The following CACNA1G variants were observed in gnomAD, a reference collection of about 807,000 sequenced individuals.
CACNA1G encodes calcium voltage-gated channel subunit alpha1 G, also known as voltage-dependent T-type calcium channel subunit alpha-1G.
Under a neutral mutation model 219.4 loss-of-function variants are expected in CACNA1G, and 67 were observed. The ratio of observed to expected loss-of-function variants is 0.31; its 90% CI spans 0.25 to 0.37. CACNA1G has a LOEUF of 0.37. CACNA1G is among the 10% of genes least tolerant of loss of function. CACNA1G has a pLI of 1.00. For synonymous variants in CACNA1G, 1,296 were observed against 1,345.3 expected (o/e 0.96, Z 0.80); for missense variants, 2,380 against 3,231.4 (o/e 0.74, Z 6.39).
chr17:50,618,424 C>T lies in CACNA1G; in HGVS notation c.5427+81C>T. ...GGATTCCTTGGGAAGATGAATTGGC[C>T]ACAAATAAAAGCATGTGACCTTCTC... is the stretch of plus-strand genomic sequence containing the variant. On this transcript the variant is annotated intron_variant, in intron 32 of 37. Coordinates refer to ENST00000359106, the MANE Select transcript of CACNA1G (RefSeq NM_018896.5). The surrounding 1 kb of genome is among the most constrained non-coding windows in gnomAD (Gnocchi z 5.3). 1 of 1,562,802 alleles carries T rather than the reference C, an allele frequency of 6.4e-7. No homozygotes were observed. Among genetic ancestry groups the T allele is most frequent in the East Asian group, 2.3e-5 (1 of 44,326 alleles).
At chr17:50,612,738 C>A (rs1330441246) in intron 26 of CACNA1G, among the ~76,000 whole-genome samples, 1 of 152,244 alleles carries the variant, frequency 6.6e-6, no homozygotes, top group Non-Finnish European at 1.5e-5. Flanking sequence ...TTCCTCCCTC[C>A]CTGCCCCGAA....
intron 9 of CACNA1G, among the ~76,000 whole-genome samples, chr17:50,582,263 GA>G (rs1409452380): frequency 6.6e-6 from 1 of 152,248 alleles, no homozygotes; most frequent in Non-Finnish European, 1.5e-5. Flanking sequence ...TCTGAAGGAA[GA>G]GTAGGACATA....
Position 50,616,375 on chromosome 17 carries a change from TC to T in CACNA1G, c.5014del (p.Gln1672ArgfsTer40). ...KLVAFGFRRF[F>X]QDRWNQLDLA... ...GTGGCCTTTGGTTTCCGTCGGTTCT[TC>T]CAGGACAGGTAACGGAGAAAAGGGG... On this transcript the variant is annotated frameshift_variant, in exon 28 of 38. Coordinates refer to ENST00000359106, the MANE Select transcript of CACNA1G (RefSeq NM_018896.5). LOFTEE classifies it high-confidence loss of function. The T allele has an allele frequency of 1.2e-6, 2 of 1,606,374 alleles. No individual in the cohort carries two copies. The highest frequency in any genetic ancestry group is 1.7e-6 in the Non-Finnish European group (2 of 1,173,074).
At chr17:50,625,948 G>A (rs1325678638) in intron 37 of CACNA1G, 69 bp from the exon 38 acceptor site, 1 of 1,517,116 alleles carries the variant, frequency 6.6e-7, no homozygotes, top group East Asian at 2.3e-5. Flanking sequence ...GGCACAGCCA[G>A]CTTGACAGGA....
Position 50,617,458 on chromosome 17 carries a change from C to T in CACNA1G, c.5042C>T (p.Ala1681Val). The change falls in exon 29 of 38, where the codon GCC becomes GTC. Residue 1681 changes from alanine (A) to valine (V), a missense_variant. Ala to Val is a moderately conservative substitution (Grantham distance 64). This residue lies in a region of CACNA1G where 123 missense variants were observed against 258.4 expected (regional missense o/e 0.48). Coordinates refer to ENST00000359106, the MANE Select transcript of CACNA1G (RefSeq NM_018896.5). The surrounding 1 kb of genome is among the most constrained non-coding windows in gnomAD (Gnocchi z 5.8). ...TCCAGGTGGAACCAGCTGGACCTGG[C>T]CATTGTGCTGCTGTCCATCATGGGC... ...FQDRWNQLDL[A>V]IVLLSIMGIT... 1 of 1,613,724 alleles carries T rather than the reference C, an allele frequency of 6.2e-7. No individual in the cohort carries two copies. The highest frequency in any genetic ancestry group is 8.5e-7 in the Non-Finnish European group (1 of 1,179,758).
chr17:50,595,112 C>T, intron 14 of CACNA1G, 51 bp downstream of exon 14: 1 of 1,372,766 alleles, frequency 7.3e-7, no homozygotes, highest in Non-Finnish European at 1.0e-6. Context: ...ATGCCCGTGC[C>T]CCTCCACTCC....
rs774347402 is a variant in CACNA1G at position 50,626,434 on chromosome 17, A to T, written c.6817A>T (p.Ser2273Cys). 6.2e-7 allele frequency: 1 copy of T among 1,607,956 alleles called. No homozygotes were observed. The highest frequency in any genetic ancestry group is 1.1e-5 in the South Asian group (1 of 90,268). ...DEQRRHSIAV[S>C]CLDSGSQPHL... is the part of the protein sequence containing the mutation. ...GCAGAGGAGACACTCTATCGCCGTCAGCTGCCTGGACAGCGGCTCCCAACC... is the reference window on the plus strand; with the variant it reads ...GCAGAGGAGACACTCTATCGCCGTCTGCTGCCTGGACAGCGGCTCCCAACC... The change falls in exon 38 of 38, where the codon AGC becomes TGC. Residue 2273 changes from serine (S) to cysteine (C), a missense_variant. This residue lies in a region of CACNA1G where 672 missense variants were observed against 670.5 expected (regional missense o/e 1.00). Transcript: ENST00000359106. This position sits in a 1 kb window ranked among gnomAD's most constrained non-coding sequence, Gnocchi z 4.3.
chr17:50,580,363 C>A lies in CACNA1G; in HGVS notation c.2301+1799C>A, dbSNP rs181583266. 3.1e-4 allele frequency among the ~76,000 whole-genome samples: 47 copies of A among 152,168 alleles called. 1 individual carries two copies. In the East Asian group the frequency reaches 9.0e-3, roughly 29 times the overall value. The stretch of plus-strand genomic sequence containing the variant: ...CCCTGAACCTCAGCCTCCTTTCCCT[C>A]ACCCCTGTTCCGGCCATGGTCAGGT... On this transcript the variant is annotated intron_variant, in intron 9 of 37. Transcript: ENST00000359106.
chr17:50,597,177 C>T (rs372782148), intron 16 of CACNA1G, among the ~76,000 whole-genome samples: 5 of 152,158 alleles, frequency 3.3e-5, no homozygotes, highest in Admixed American at 6.5e-5. Context: ...TCGGGCAAGA[C>T]GCCACCGCTC....
chr17:50,580,622 T>TC (rs1568018081), intron 9 of CACNA1G, among the ~76,000 whole-genome samples: 1 of 152,156 alleles, frequency 6.6e-6, no homozygotes, highest in Non-Finnish European at 1.5e-5. Context: ...GCCTGCACCT[T>TC]CTTCTTGCTC....
intron 3 of CACNA1G, 51 bp downstream of exon 3, chr17:50,569,349 C>T: frequency 6.3e-7 from 1 of 1,596,274 alleles, no homozygotes; most frequent in Non-Finnish European, 8.6e-7. Flanking sequence ...CGGTCCCTTC[C>T]CCGGGGCCAG....
chr17:50,611,154 T>C (rs750584658), intron 26 of CACNA1G, among the ~76,000 whole-genome samples: 1 of 150,474 alleles, frequency 6.6e-6, no homozygotes, highest in East Asian at 2.0e-4. Context: ...CTCGGGAGGC[T>C]GAGGCAGGAG....
At chr17:50,625,938 G>T in intron 37 of CACNA1G, 79 bp from the exon 38 acceptor site, 1 of 1,483,998 alleles carries the variant, frequency 6.7e-7, no homozygotes. Flanking sequence ...GTGGGCAGGG[G>T]GCACAGCCAG....
rs1464024078 is a variant in CACNA1G, at chr17:50,568,963, G to C, written c.336G>C (p.Gln112His). Reference sequence around the variant, plus strand: ...GCGAGGACATCGCCTGTGACTCCCAGCGCTGCCGGATCCTGCAGGTGAGTG... The same window carrying C: ...GCGAGGACATCGCCTGTGACTCCCACCGCTGCCGGATCCTGCAGGTGAGTG... ...RPCEDIACDS[Q>H]RCRILQAFDD... is the part of the protein sequence containing the mutation. Residue 112 changes from glutamine to histidine, a missense_variant, in exon 2 of 38, where the codon CAG becomes CAC. Transcript: ENST00000359106. 1 of 1,609,510 alleles carries C rather than the reference G, an allele frequency of 6.2e-7. No homozygotes were observed. The highest frequency in any genetic ancestry group is 8.5e-7 in the Non-Finnish European group (1 of 1,179,186).
intron 25 of CACNA1G, among the ~76,000 whole-genome samples, chr17:50,608,965 C>T (rs1704209958): frequency 1.3e-5 from 2 of 152,188 alleles, no homozygotes; most frequent in African/African-American, 4.8e-5. Flanking sequence ...GTGGGTTTAT[C>T]TAAGCCTTTG....
At position 50,610,069 on chromosome 17, in the gene CACNA1G, C is replaced by T. The variant is rs11658835; in HGVS notation, c.4759+134C>T. 261,046 of 800,016 alleles carry T rather than the reference C, an allele frequency of 0.33. 47,379 individuals are homozygous for T. Among genetic ancestry groups the T allele is most frequent in the Non-Finnish European group, 0.38 (185,937 of 491,166 alleles). The allele number at this position is 800,016 out of a possible 1,614,324, so 49.6% of individuals were successfully genotyped here. On this transcript the variant is annotated intron_variant, in intron 26 of 37. Transcript: ENST00000359106. ...GCCCCCAAGAGGGCAGGGGCTGAAG[C>T]GCTGGGCTCTGCAGCATCCCGCAGG...
chr17:50,585,079 T>G (rs2042739544), intron 9 of CACNA1G, among the ~76,000 whole-genome samples: 1 of 152,144 alleles, frequency 6.6e-6, no homozygotes, highest in Non-Finnish European at 1.5e-5. Context: ...TGTGGCCTAC[T>G]GTGGCCCACC....
intron 4 of CACNA1G, 110 bp downstream of exon 4, chr17:50,569,913 G>A (rs1271134200): frequency 5.3e-5 from 41 of 777,442 alleles, no homozygotes; most frequent in African/African-American, 1.5e-4. Context: ...CACAGGCCCC[G>A]TCAGAGAAGG....
At chr17:50,573,468 A>AT (rs1043257882) in intron 7 of CACNA1G, 3 of 200,116 alleles carry the variant, frequency 1.5e-5, no homozygotes, top group Non-Finnish European at 2.0e-5. Flanking sequence ...TCTGGTTTTG[A>AT]TTTTTTTTAA....
Sources: gnomAD v4.1 joint callset for allele counts (sites outside exome capture counted in the v4.1 genomes callset) on GRCh38, gnomAD v4.1.1 for gene constraint, gnomAD v4.1.1 regional missense constraint, Gnocchi (gnomAD v3.1) non-coding constraint, MANE v1.5 for transcripts, NCBI Gene and HGNC (gene_info 2026-07-23, HGNC 2026-07-21) for gene names.